The following SGCZ variants were observed in gnomAD, a reference collection of about 807,000 sequenced individuals.
SGCZ encodes the protein sarcoglycan zeta.
SGCZ carries 40 observed loss-of-function variants against 41.3 expected under a neutral mutation model. The ratio of observed to expected loss-of-function variants is 0.97; its 90% CI spans 0.75 to 1.26. The LOEUF (loss-of-function observed/expected upper bound fraction) is 1.26, where lower values mean the gene tolerates loss of function less well. SGCZ is among the 50% of genes most tolerant of loss of function. SGCZ has a pLI of 0.00. For missense variants in SGCZ, 552 were observed against 369.8 expected (o/e 1.49, Z -4.04); for synonymous variants, 206 against 137.5 (o/e 1.50, Z -3.49).
chr8:14,329,495 A>G (rs1422658056), intron 2 of SGCZ, among the ~76,000 whole-genome samples: 3 of 152,130 alleles, frequency 2.0e-5, no homozygotes, highest in Admixed American at 6.6e-5. Context: ...TTCATTTCCA[A>G]TGACACTATG....
chr8:14,971,324 G>A (rs559379312), intron 1 of SGCZ, among the ~76,000 whole-genome samples: 13 of 152,168 alleles, frequency 8.5e-5, no homozygotes, highest in Middle Eastern at 3.4e-3. Flanking sequence ...AGAAATAATA[G>A]GAGCGAATAT....
chr8:15,000,184 G>C (rs147394521), intron 1 of SGCZ, among the ~76,000 whole-genome samples: 4 of 152,160 alleles, frequency 2.6e-5, no homozygotes, highest in African/African-American at 7.2e-5. Context: ...AAGTCAAGGA[G>C]AGAGTCCTGT....
At chr8:14,511,665 A>G in intron 2 of SGCZ, among the ~76,000 whole-genome samples, 1 of 152,150 alleles carries the variant, frequency 6.6e-6, no homozygotes, top group Non-Finnish European at 1.5e-5. Flanking sequence ...TAGAAGTGAA[A>G]AACTCAGATG....
intron 2 of SGCZ, among the ~76,000 whole-genome samples, chr8:14,491,324 T>C (rs190321668): frequency 1.5e-3 from 219 of 143,194 alleles, no homozygotes; most frequent in African/African-American, 5.5e-3. Flanking sequence ...TAAAATACTC[T>C]ACAGGCAAAA....
chr8:14,432,542 G>T (rs1004408553), intron 2 of SGCZ, among the ~76,000 whole-genome samples: 1 of 152,132 alleles, frequency 6.6e-6, no homozygotes, highest in Non-Finnish European at 1.5e-5. Flanking sequence ...GGGTGAGAAG[G>T]GGGTGAGGGA....
intron 1 of SGCZ, among the ~76,000 whole-genome samples, chr8:14,972,600 C>G (rs1212989411): frequency 6.6e-6 from 1 of 152,106 alleles, no homozygotes; most frequent in Non-Finnish European, 1.5e-5. Flanking sequence ...GTTGGATTAA[C>G]TGATTTTTAA....
intron 1 of SGCZ, among the ~76,000 whole-genome samples, chr8:15,122,486 G>A (rs997316739): frequency 2.0e-5 from 3 of 151,990 alleles, no homozygotes; most frequent in Non-Finnish European, 4.4e-5. Flanking sequence ...CATCTTTCCA[G>A]GTACAAAAAT....
At chr8:14,278,074 TC>T (rs1294809570) in intron 3 of SGCZ, among the ~76,000 whole-genome samples, 1 of 152,124 alleles carries the variant, frequency 6.6e-6, no homozygotes, top group African/African-American at 2.4e-5. Flanking sequence ...CACTCACCTT[TC>T]CATAACTTTT....
chr8:15,017,083 C>T lies in SGCZ; in HGVS notation c.39+220502G>A, dbSNP rs139284698. On this transcript the variant is annotated intron_variant, in intron 1 of 7. Coordinates refer to ENST00000382080, the MANE Select transcript of SGCZ (RefSeq NM_139167.4). ...ATGAGACTTGGAGGGGACAAACATCCAAACCATATCAAATAATAGTTTAAA... is the reference window on the plus strand; with the variant it reads ...ATGAGACTTGGAGGGGACAAACATCTAAACCATATCAAATAATAGTTTAAA... Among the ~76,000 whole-genome samples, 687 of 152,262 alleles carry T rather than the reference C, an allele frequency of 4.5e-3. 7 individuals carry two copies. Among genetic ancestry groups the T allele is most frequent in the African/African-American group, 0.013 (543 of 41,546 alleles).
At chr8:14,763,348 C>A (rs1163439759) in intron 1 of SGCZ, among the ~76,000 whole-genome samples, 2 of 152,126 alleles carry the variant, frequency 1.3e-5, no homozygotes, top group African/African-American at 4.8e-5. Flanking sequence ...TCCAGGATTA[C>A]TGAAACAAGC....
chr8:14,666,903 T>C (rs1412620869), intron 1 of SGCZ, among the ~76,000 whole-genome samples: 1 of 147,408 alleles, frequency 6.8e-6, no homozygotes, highest in African/African-American at 2.6e-5. Context: ...AAATATTCTA[T>C]AAGAATAAAC....
intron 4 of SGCZ, among the ~76,000 whole-genome samples, chr8:14,183,470 T>C (rs1242268337): frequency 2.0e-5 from 3 of 152,226 alleles, no homozygotes; most frequent in South Asian, 2.1e-4. Context: ...TACAAGATAA[T>C]TTTGCTGATA....
chr8:14,159,784 A>G (rs1803984894), intron 5 of SGCZ, among the ~76,000 whole-genome samples: 1 of 152,204 alleles, frequency 6.6e-6, no homozygotes, highest in African/African-American at 2.4e-5. Flanking sequence ...TATCTAATAG[A>G]AAGGTTGAGT....
chr8:14,165,216 T>G (rs1804171838), intron 4 of SGCZ: 1 of 152,238 alleles, frequency 6.6e-6, no homozygotes, highest in Non-Finnish European at 1.5e-5. Context: ...TTTCTACCCT[T>G]TAATATAAGT....
chr8:14,992,703 C>T (rs1563417741), intron 1 of SGCZ, among the ~76,000 whole-genome samples: 2 of 137,894 alleles, frequency 1.5e-5, no homozygotes, highest in Non-Finnish European at 3.1e-5. Context: ...TTACCCCCCA[C>T]CCATCCTCCT....
chr8:14,469,402 T>C (rs1801146279), intron 2 of SGCZ, among the ~76,000 whole-genome samples: 2 of 152,152 alleles, frequency 1.3e-5, no homozygotes, highest in Non-Finnish European at 2.9e-5. Context: ...CTCTCACATA[T>C]GCATGGAACA....
intron 2 of SGCZ, among the ~76,000 whole-genome samples, chr8:14,376,043 G>A (rs529266686): frequency 1.3e-5 from 2 of 152,202 alleles, no homozygotes; most frequent in African/African-American, 4.8e-5. Context: ...GCCAGGCGAG[G>A]TGGCTCATGC....
intron 1 of SGCZ, among the ~76,000 whole-genome samples, chr8:14,682,693 C>G (rs1215680542): frequency 1.3e-5 from 2 of 152,144 alleles, no homozygotes; most frequent in African/African-American, 4.8e-5. Flanking sequence ...CTCGGCCTCC[C>G]AAAGTGCTGG....
intron 5 of SGCZ, 56 bp from the exon 6 acceptor site, chr8:14,108,291 A>T: frequency 6.7e-7 from 1 of 1,490,732 alleles, no homozygotes; most frequent in Non-Finnish European, 9.3e-7. Context: ...AGTGGCTTTC[A>T]TCTCTATGTT....
Sources: allele counts gnomAD v4.1 joint callset (sites outside exome capture counted in the v4.1 genomes callset), GRCh38; gene constraint gnomAD v4.1.1; transcripts MANE v1.5; gene names NCBI Gene and HGNC (gene_info 2026-07-23, HGNC 2026-07-21).